The following PCM1 variants were observed in gnomAD, a reference collection of about 807,000 sequenced individuals.
The protein encoded by PCM1 is pericentriolar material 1, also known as pericentriolar material 1 protein.
Under a neutral mutation model 241.9 loss-of-function variants are expected in PCM1, and 157 were observed. The ratio of observed to expected loss-of-function variants is 0.65; its 90% CI spans 0.57 to 0.74. The LOEUF (loss-of-function observed/expected upper bound fraction) is 0.74. PCM1 is among the 30% of genes least tolerant of loss of function. The probability of loss-of-function intolerance (pLI) is 0.00; values close to 1 mark genes in which losing one functional copy is unlikely to be tolerated. For missense variants in PCM1, 3,478 were observed against 2,360.1 expected (o/e 1.47, Z -9.81); for synonymous variants, 1,085 against 784.9 (o/e 1.38, Z -6.39).
At chr8:18,006,957 G>A (rs910099692) in intron 30 of PCM1, among the ~76,000 whole-genome samples, 28 of 152,270 alleles carry the variant, frequency 1.8e-4, no homozygotes, top group Admixed American at 1.7e-3. Context: ...CAACTAATGG[G>A]TAGAGACCAG....
chr8:18,004,399 A>G (rs940897271), intron 29 of PCM1, among the ~76,000 whole-genome samples: 11 of 152,212 alleles, frequency 7.2e-5, no homozygotes, highest in Admixed American at 2.0e-4. Context: ...AAGCGCTACT[A>G]GCATATCTAG....
chr8:18,018,836 ATATGTG>A (rs1342673108), intron 36 of PCM1, among the ~76,000 whole-genome samples: 4 of 63,058 alleles, frequency 6.3e-5, no homozygotes, highest in African/African-American at 1.9e-4. Flanking sequence ...GTATATATAT[ATATGTG>A]TGTGTGTGTG....
intron 28 of PCM1, 118 bp downstream of exon 28, chr8:17,991,818 C>T (rs989363027): frequency 4.5e-6 from 3 of 664,026 alleles, no homozygotes; most frequent in African/African-American, 1.8e-5. Context: ...GCAGTATACA[C>T]TGTACCCAGT....
intron 24 of PCM1, among the ~76,000 whole-genome samples, chr8:17,984,607 A>G (rs1020553723): frequency 6.6e-6 from 1 of 151,982 alleles, no homozygotes; most frequent in Non-Finnish European, 1.5e-5. Flanking sequence ...TTTTTCTATT[A>G]GAGCACATTC....
intron 4 of PCM1, among the ~76,000 whole-genome samples, chr8:17,937,989 C>T (rs2060917231): frequency 6.6e-6 from 1 of 152,072 alleles, no homozygotes; most frequent in African/African-American, 2.4e-5. Context: ...AACTGTATAT[C>T]AGGCACTGAG....
chr8:17,980,806 T>C, intron 24 of PCM1, 51 bp downstream of exon 24: 2 of 1,402,570 alleles, frequency 1.4e-6, no homozygotes, highest in African/African-American at 1.4e-5. Flanking sequence ...CAGCTTAGAT[T>C]TGAAAAGCTA....
At chr8:17,936,074 C>G (rs895648743) in intron 3 of PCM1, among the ~76,000 whole-genome samples, 1 of 152,166 alleles carries the variant, frequency 6.6e-6, no homozygotes, top group Admixed American at 6.5e-5. Context: ...CTTTACAGAC[C>G]AGTTTTCTCT....
intron 6 of PCM1, among the ~76,000 whole-genome samples, chr8:17,943,818 G>C (rs2062960771): frequency 6.6e-6 from 1 of 151,994 alleles, no homozygotes; most frequent in South Asian, 2.1e-4. Flanking sequence ...TTCCTCCTTA[G>C]AATCTTTTCA....
chr8:17,961,303 G>GTT, intron 15 of PCM1, among the ~76,000 whole-genome samples: 1 of 87,648 alleles, frequency 1.1e-5, no homozygotes. Flanking sequence ...TTATTGGCTA[G>GTT]CTTTTTTTTT....
Position 17,985,535 on chromosome 8 carries a change from TCCA to T in PCM1, c.4199_4201del (p.Pro1400del), listed in dbSNP as rs1330684414. 1.9e-5 allele frequency: 30 copies of T among 1,594,300 alleles called. No homozygotes were observed. Among genetic ancestry groups the T allele is most frequent in the African/African-American group, 2.7e-5 (2 of 74,702 alleles). On this transcript the variant is annotated inframe_deletion, in exon 25 of 39. Coordinates refer to ENST00000325083, the MANE Select transcript of PCM1 (RefSeq NM_006197.4). ...CATTAATTTCTCAAAATGAATCTCG[TCCA>T]CATTTTCTTATTGAACTCTTCCATG...
intron 7 of PCM1, among the ~76,000 whole-genome samples, chr8:17,948,944 T>C (rs530872565): frequency 6.6e-6 from 1 of 152,334 alleles, no homozygotes; most frequent in African/African-American, 2.4e-5. Context: ...ATTTCTGTTT[T>C]ATAGAGAAGG....
intron 5 of PCM1, 35 bp from the exon 6 acceptor site, chr8:17,939,656 T>C (rs1156693300): frequency 3.7e-6 from 5 of 1,341,030 alleles, no homozygotes; most frequent in Non-Finnish European, 5.0e-6. Context: ...TTGTGTACTT[T>C]CATGCTTTTT....
At chr8:17,974,584 G>A (rs1370697495) in intron 23 of PCM1, among the ~76,000 whole-genome samples, 3 of 152,124 alleles carry the variant, frequency 2.0e-5, no homozygotes, top group Non-Finnish European at 4.4e-5. Flanking sequence ...TCAAGTAGCA[G>A]ATTTTACAGG....
At chr8:17,946,417 C>T (rs535535961) in intron 6 of PCM1, among the ~76,000 whole-genome samples, 1 of 151,728 alleles carries the variant, frequency 6.6e-6, no homozygotes, top group African/African-American at 2.4e-5. Flanking sequence ...AATTTCAGTC[C>T]TTTGTTAGAA....
chr8:17,966,859 A>C (rs2075066627), intron 20 of PCM1, 121 bp from the exon 21 acceptor site: 6 of 838,662 alleles, frequency 7.2e-6, no homozygotes, highest in Non-Finnish European at 1.1e-5. Flanking sequence ...TATTTGTTAC[A>C]GTATCAGAGC....
chr8:18,021,136 A>G (rs914658828), intron 36 of PCM1, among the ~76,000 whole-genome samples: 1 of 152,174 alleles, frequency 6.6e-6, no homozygotes, highest in African/African-American at 2.4e-5. Flanking sequence ...AACAACAAAA[A>G]TGGAATCTTA....
At position 17,957,576 on chromosome 8, in the gene PCM1, A is replaced by C. The variant is rs376509574; in HGVS notation, c.1841A>C (p.His614Pro). ...AATAGAGAAGGGGAACAGGAGATTC[A>C]TGTTGCACAAGGTGAAGATGATGAG... is the stretch of plus-strand genomic sequence containing the variant. ...RYNREGEQEIHVAQGEDDEEE... is the reference protein window; with the variant it reads ...RYNREGEQEIPVAQGEDDEEE... Residue 614 changes from histidine to proline, a missense_variant, in exon 13 of 39, where the codon CAT becomes CCT. By Grantham distance (77) the His-to-Pro change is moderately conservative. Transcript: ENST00000325083. 6.4e-7 allele frequency: 1 copy of C among 1,572,852 alleles called. No homozygotes were observed. The highest frequency in any genetic ancestry group is 1.1e-5 in the South Asian group (1 of 87,344).
At chr8:17,926,825 T>G (rs2129445483) in intron 2 of PCM1, 1 of 152,176 alleles carries the variant, frequency 6.6e-6, no homozygotes, top group Non-Finnish European at 1.5e-5. Context: ...GTGAGAGAAG[T>G]AGAATGCAAA....
chr8:17,947,655 G>A (rs1391877770), intron 7 of PCM1, among the ~76,000 whole-genome samples: 2 of 152,170 alleles, frequency 1.3e-5, no homozygotes, highest in Non-Finnish European at 2.9e-5. Context: ...ACCTCAGACT[G>A]ATAAGGCTCA....
Sources: gnomAD v4.1 joint callset for allele counts (sites outside exome capture counted in the v4.1 genomes callset) on GRCh38, gnomAD v4.1.1 for gene constraint, MANE v1.5 for transcripts, NCBI Gene and HGNC (gene_info 2026-07-23, HGNC 2026-07-21) for gene names.